Variants in RANBP9 observed in about 807,000 individuals in gnomAD.
RANBP9 encodes the protein ran-binding protein 9.
Under a neutral mutation model 84.3 loss-of-function variants are expected in RANBP9, and 15 were observed. The observed-to-expected ratio is 0.18, with a 90% CI of 0.12 to 0.27. The LOEUF (loss-of-function observed/expected upper bound fraction) is 0.27. RANBP9 is among the 10% of genes least tolerant of loss of function. The pLI is 1.00. For synonymous variants in RANBP9, 392 were observed against 349.6 expected (o/e 1.12, Z -1.35); for missense variants, 809 against 912.8 (o/e 0.89, Z 1.46).
At chr6:13,664,320 C>T (rs1334644914) in intron 2 of RANBP9, among the ~76,000 whole-genome samples, 1 of 152,046 alleles carries the variant, frequency 6.6e-6, no homozygotes, top group East Asian at 1.9e-4. Context: ...TAAAAATTAC[C>T]AAACATCACT....
At chr6:13,669,546 G>T (rs1584933280) in intron 2 of RANBP9, among the ~76,000 whole-genome samples, 1 of 152,196 alleles carries the variant, frequency 6.6e-6, no homozygotes, top group African/African-American at 2.4e-5. Context: ...CAATGCCATA[G>T]AATTGAGATT....
chr6:13,660,919 G>A (rs1765526431), intron 2 of RANBP9, among the ~76,000 whole-genome samples: 1 of 152,218 alleles, frequency 6.6e-6, no homozygotes, highest in South Asian at 2.1e-4. Context: ...ACAAGAAGAT[G>A]AGAAGAAACA....
chr6:13,635,508 A>C (rs753925350), intron 10 of RANBP9, among the ~76,000 whole-genome samples: 1 of 151,904 alleles, frequency 6.6e-6, no homozygotes, highest in Non-Finnish European at 1.5e-5. Flanking sequence ...AGAAAAAAAA[A>C]CACAGATGAG....
chr6:13,660,393 T>C (rs1444845323), intron 2 of RANBP9, among the ~76,000 whole-genome samples: 2 of 151,948 alleles, frequency 1.3e-5, no homozygotes, highest in Non-Finnish European at 2.9e-5. Flanking sequence ...CCTGTGGTCC[T>C]AGCTATGTGG....
chr6:13,656,990 A>C, intron 4 of RANBP9, 119 bp downstream of exon 4: 1 of 958,254 alleles, frequency 1.0e-6, no homozygotes, highest in Non-Finnish European at 1.5e-6. Context: ...AAAAGAAAGA[A>C]ACCATTTCCA....
intron 5 of RANBP9, among the ~76,000 whole-genome samples, chr6:13,651,038 T>C (rs1033437594): frequency 2.6e-5 from 4 of 152,158 alleles, no homozygotes; most frequent in Non-Finnish European, 4.4e-5. Flanking sequence ...AATACCTTAA[T>C]CAATTTATAT....
intron 3 of RANBP9, among the ~76,000 whole-genome samples, chr6:13,657,814 CAATT>C (rs1347927332): frequency 1.3e-5 from 2 of 152,080 alleles, no homozygotes; most frequent in East Asian, 1.9e-4. Context: ...ATAAAAACCT[CAATT>C]AAACCCTCTT....
chr6:13,710,782 C>A (rs1478440216), intron 1 of RANBP9, among the ~76,000 whole-genome samples, 153 bp downstream of exon 1: 1 of 152,226 alleles, frequency 6.6e-6, no homozygotes, highest in Non-Finnish European at 1.5e-5. Context: ...CCGCGACCCC[C>A]GCGCCCACCC....
intron 10 of RANBP9, among the ~76,000 whole-genome samples, chr6:13,635,743 C>A (rs1331781080): frequency 1.3e-5 from 2 of 151,496 alleles, no homozygotes; most frequent in South Asian, 2.1e-4. Context: ...GTAAGAAAAA[C>A]CAAACTTTAA....
At chr6:13,665,143 T>C (rs1440427408) in intron 2 of RANBP9, among the ~76,000 whole-genome samples, 1 of 152,118 alleles carries the variant, frequency 6.6e-6, no homozygotes, top group East Asian at 1.9e-4. Context: ...ATATAAATGT[T>C]AAAAACTATA....
intron 1 of RANBP9, among the ~76,000 whole-genome samples, chr6:13,708,848 G>A (rs1400308935): frequency 2.8e-5 from 4 of 140,422 alleles, no homozygotes; most frequent in Non-Finnish European, 6.3e-5. Context: ...CACACACACA[G>A]TCTACAGTAA....
chr6:13,684,062 A>T (rs1766108940), intron 2 of RANBP9, among the ~76,000 whole-genome samples: 1 of 152,146 alleles, frequency 6.6e-6, no homozygotes, highest in African/African-American at 2.4e-5. Flanking sequence ...GACTATCTAT[A>T]CTCTGTACTA....
chr6:13,704,742 C>A (rs1429672597), intron 1 of RANBP9, among the ~76,000 whole-genome samples: 2 of 152,094 alleles, frequency 1.3e-5, no homozygotes, highest in Non-Finnish European at 2.9e-5. Flanking sequence ...TAAAGTAATT[C>A]TCTATGTTTT....
chr6:13,672,913 A>G (rs552309835), intron 2 of RANBP9, among the ~76,000 whole-genome samples: 1 of 152,298 alleles, frequency 6.6e-6, no homozygotes, highest in African/African-American at 2.4e-5. Context: ...AGAATGGAGG[A>G]CAACTATAAA....
At chr6:13,658,261 A>G (rs1327448993) in intron 3 of RANBP9, among the ~76,000 whole-genome samples, 4 of 145,246 alleles carry the variant, frequency 2.8e-5, no homozygotes, top group Non-Finnish European at 6.1e-5. Context: ...AAAAAAAAGC[A>G]TGATATATAT....
chr6:13,681,307 CGTGGTTGTTATGTAATTTTAGTT>C (rs1156269211), intron 2 of RANBP9, among the ~76,000 whole-genome samples: 1 of 145,960 alleles, frequency 6.9e-6, no homozygotes, highest in Admixed American at 7.2e-5. Context: ...GAGAGTTTGG[CGTGGTTGTTATGTAATTTTAGTT>C]GTGGTTGTTA....
chr6:13,678,084 C>G (rs946677249), intron 2 of RANBP9, among the ~76,000 whole-genome samples: 1 of 152,144 alleles, frequency 6.6e-6, no homozygotes, highest in African/African-American at 2.4e-5. Context: ...CGTCACTGTA[C>G]TCCAGCCTGG....
At chr6:13,648,651 A>G (rs1765226947) in intron 5 of RANBP9, among the ~76,000 whole-genome samples, 1 of 152,214 alleles carries the variant, frequency 6.6e-6, no homozygotes, top group South Asian at 2.1e-4. Flanking sequence ...TTAAAAGCTA[A>G]ATGTACACAA....
At chr6:13,688,593 C>T (rs139051967) in intron 2 of RANBP9, among the ~76,000 whole-genome samples, 1,690 of 152,244 alleles carry the variant, frequency 0.011, 25 homozygotes, top group African/African-American at 0.038. Flanking sequence ...GTCTCCATCT[C>T]TGTCAATCCT....
Sources: gnomAD v4.1 joint callset for allele counts (sites outside exome capture counted in the v4.1 genomes callset) on GRCh38, gnomAD v4.1.1 for gene constraint, MANE v1.5 for transcripts, NCBI Gene and HGNC (gene_info 2026-07-23, HGNC 2026-07-21) for gene names.